PEX16: variants seen among roughly 807,000 people sequenced by gnomAD.
PEX16 encodes the protein peroxin 16.
A neutral mutation model predicts 50.5 loss-of-function variants in PEX16; 37 were observed. The ratio of observed to expected loss-of-function variants is 0.73; its 90% CI spans 0.56 to 0.96. The LOEUF is 0.96. Among genes scored for constraint, PEX16 ranks in the 40% least tolerant of loss-of-function variants. The pLI is 0.00. For synonymous variants in PEX16, 185 were observed against 190.3 expected, an observed-to-expected ratio of 0.97 and a Z score of 0.23; for missense variants, 401 against 438.3, an observed-to-expected ratio of 0.91 and a Z score of 0.76.
chr11:45,913,546 C>T (rs1203788116), intron 9 of PEX16, among the ~76,000 whole-genome samples: 5 of 152,258 alleles, frequency 3.3e-5, no homozygotes, highest in African/African-American at 1.2e-4. Context: ...CCCGCCCTGT[C>T]GCCATCCCTG....
intron 4 of PEX16, 45 bp downstream of exon 4, chr11:45,915,658 C>G: frequency 1.9e-6 from 3 of 1,613,056 alleles, no homozygotes; most frequent in Non-Finnish European, 2.5e-6. Flanking sequence ...GTGTAGCTAG[C>G]CTGCGTCACC....
In PEX16 at chr11:45,911,617, C is replaced by G. The variant is rs143187146; in HGVS notation, c.888-655G>C. Among the ~76,000 whole-genome samples the G allele has an allele frequency of 2.7e-3, 408 of 152,354 alleles. 2 individuals are homozygous for G. The highest frequency in any genetic ancestry group is 9.2e-3 in the African/African-American group (384 of 41,582). On this transcript the variant is annotated intron_variant, in intron 9 of 10. Transcript: ENST00000378750. ...CCTACAAAGTGGGTACTGTCATCAT[C>G]CCCATCTTACAGGTGAGGAAATGAG...
chr11:45,916,370 G>C, intron 2 of PEX16, 67 bp from the exon 3 acceptor site: 1 of 1,219,376 alleles, frequency 8.2e-7, no homozygotes, highest in Non-Finnish European at 1.2e-6. Context: ...CTTCTCCCCA[G>C]AGCTGCAGGG....
In PEX16 at chr11:45,909,946, G is replaced by C. The variant is rs974232369; in HGVS notation, c.*308C>G. On this transcript the variant is annotated 3_prime_UTR_variant, in exon 11 of 11. Transcript: ENST00000378750. ...AGCAGTGTTCGCTCCTATGGCTGCC[G>C]AGGCGAGCAGCTTCCCGGGCTCCAT... The C allele has an allele frequency of 4.3e-5, 33 of 759,148 alleles. No homozygotes were observed. Among genetic ancestry groups the C allele is most frequent in the South Asian group, 3.2e-4 (21 of 65,752 alleles). The allele number at this position is 759,148 out of a possible 1,614,324, so 47.0% of individuals were successfully genotyped here. A position where few individuals can be genotyped will look rare whatever the true frequency, so the allele number is the denominator to read the frequency against.
chr11:45,916,771 G>A (rs1362283316), intron 2 of PEX16, among the ~76,000 whole-genome samples: 2 of 152,216 alleles, frequency 1.3e-5, no homozygotes, highest in African/African-American at 4.8e-5. Flanking sequence ...CCAGGTTCAA[G>A]CAATTCTCCT....
intron 7 of PEX16, 22 bp downstream of exon 7, chr11:45,914,294 T>C (rs1490446583): frequency 6.2e-7 from 1 of 1,613,488 alleles, no homozygotes; most frequent in African/African-American, 1.3e-5. Context: ...GCCAGCCCTA[T>C]CCTGCCCCGC....
chr11:45,917,516 G>A (rs781230047), intron 1 of PEX16, 23 bp from the exon 2 acceptor site: 17 of 1,613,700 alleles, frequency 1.1e-5, no homozygotes, highest in African/African-American at 2.7e-5. Context: ...TACAGAAGGA[G>A]GTGTGAGTGA....
At chr11:45,918,319 G>T (rs1296883375), upstream of PEX16, 1 of 226,506 alleles carries the variant, frequency 4.4e-6, no homozygotes, top group African/African-American at 2.3e-5. Flanking sequence ...TCAGATTTGG[G>T]GAGGTGCGGG....
rs1424490002 is a variant in PEX16 at position 45,916,189 on chromosome 11, C to A, written c.225+38G>T. The A allele has an allele frequency of 9.6e-6, 14 of 1,458,718 alleles. 1 individual carries two copies. In the Admixed American group the frequency reaches 2.2e-4, roughly 23 times the overall value. 90.4% of individuals were successfully genotyped at this position (1,458,718 alleles called of 1,614,324 possible). Reference sequence around the variant, plus strand: ...AGCTGCTACTATTTCATTCCTGAGTCCCCATGCTTCCCACCCTGTTCTTGG... The same window carrying A: ...AGCTGCTACTATTTCATTCCTGAGTACCCATGCTTCCCACCCTGTTCTTGG... On this transcript the variant is annotated intron_variant, in intron 3 of 10. Transcript: ENST00000378750.
chr11:45,912,572 C>T (rs1206364318), intron 9 of PEX16, among the ~76,000 whole-genome samples: 1 of 152,116 alleles, frequency 6.6e-6, no homozygotes, highest in Non-Finnish European at 1.5e-5. Flanking sequence ...CGCGCGATCT[C>T]GACTCACTGC....
chr11:45,913,312 T>G (rs893752216), intron 9 of PEX16, among the ~76,000 whole-genome samples: 1 of 152,156 alleles, frequency 6.6e-6, no homozygotes, highest in Non-Finnish European at 1.5e-5. Flanking sequence ...AGCAGGCCTC[T>G]CTCAGGCTGG....
rs80275010 is a variant in PEX16, at chr11:45,915,759, G to T, written c.303C>A (p.Ala101=). Residue 101 remains alanine (A), a synonymous_variant, in exon 4 of 11, where the codon GCC becomes GCA. Transcript: ENST00000378750. The stretch of plus-strand genomic sequence containing the variant: ...AGCGGCCCACTTCACCCCACACCTT[G>T]GCAGCTCCCATCTCCATGAACACCT... ...CVEVFMEMGA[A]KVWGEVGRWL... is the part of the protein sequence containing the mutation. 1.9e-6 allele frequency: 3 copies of T among 1,613,948 alleles called. No individual in the cohort carries two copies. The Admixed American group carries it at 5.0e-5, about 27-fold the overall frequency.
At position 45,916,243 on chromosome 11, in the gene PEX16, C is replaced by T. The variant is rs776600798; in HGVS notation, c.209G>A (p.Arg70Gln). The T allele has an allele frequency of 1.5e-5, 24 of 1,613,770 alleles. No homozygotes were observed. Among genetic ancestry groups the T allele is most frequent in the African/African-American group, 4.0e-5 (3 of 74,862 alleles). The change falls in exon 3 of 11, where the codon CGG becomes CAG. Residue 70 changes from arginine (R) to glutamine (Q), a missense_variant. Transcript: ENST00000378750. Reference sequence around the variant, plus strand: ...AATTCTCACCACAGGCAACTTTTTCCGAAGCTCCTTCCGTAGGATCCCGTC... The same window carrying T: ...AATTCTCACCACAGGCAACTTTTTCTGAAGCTCCTTCCGTAGGATCCCGTC... ...LNDGILRKEL[R>Q]KKLPVSLSQQ...
Position 45,913,885 on chromosome 11 carries a change from A to G in PEX16, c.821T>C (p.Leu274Pro), listed in dbSNP as rs2134691868. ...GAGCAGCAGGATGGTCCGGCGCCGC[A>G]GCTCCCGCCGCTCCCTCCGGGTCAG... is the stretch of plus-strand genomic sequence containing the variant. The part of the protein sequence containing the change: ...KGLTRRERRE[L>P]RRRTILLLYY... Residue 274 changes from leucine to proline, a missense_variant, in exon 9 of 11, where the codon CTG becomes CCG. Leu to Pro is a moderately conservative substitution (Grantham distance 98, BLOSUM62 -3). Coordinates refer to ENST00000378750, the MANE Select transcript of PEX16 (RefSeq NM_004813.4). 1 of 1,611,432 alleles carries G rather than the reference A, an allele frequency of 6.2e-7. No individual in the cohort carries two copies. The highest frequency in any genetic ancestry group is 8.5e-7 in the Non-Finnish European group (1 of 1,179,572).
rs201513691 is a variant in PEX16, at chr11:45,910,147, G to A, written c.*107C>T. 2.8e-4 allele frequency: 448 copies of A among 1,611,914 alleles called. No homozygotes were observed. The highest frequency in any genetic ancestry group is 5.8e-4 in the Admixed American group (35 of 60,024). Reference sequence around the variant, plus strand: ...CCAGGGCTGTGTGTGGGGCCTGGCCGGTAGGCACGGAGAGGCCGCACGCTG... The same window carrying A: ...CCAGGGCTGTGTGTGGGGCCTGGCCAGTAGGCACGGAGAGGCCGCACGCTG... On this transcript the variant is annotated 3_prime_UTR_variant, in exon 11 of 11. Transcript: ENST00000378750.
chr11:45,910,228 C>T lies in PEX16; in HGVS notation c.*26G>A. 6.2e-7 allele frequency: 1 copy of T among 1,613,552 alleles called. No homozygotes were observed. The highest frequency in any genetic ancestry group is 8.5e-7 in the Non-Finnish European group (1 of 1,179,898). ...AGAGGGGCTCCCTGCCCCACCCCTC[C>T]CCACACCCTCCTTCCGGGAGGTCTG... On this transcript the variant is annotated 3_prime_UTR_variant, in exon 11 of 11. Transcript: ENST00000378750.
At position 45,916,263 on chromosome 11, in the gene PEX16, C is replaced by T. The variant is rs756337787; in HGVS notation, c.189G>A (p.Gly63=). 4.3e-6 allele frequency: 7 copies of T among 1,614,024 alleles called. No homozygotes were observed. The highest frequency in any genetic ancestry group is 5.9e-6 in the Non-Finnish European group (7 of 1,179,994). The change falls in exon 3 of 11, where the codon GGG becomes GGA. Residue 63 remains glycine, a synonymous_variant. Coordinates refer to ENST00000378750, the MANE Select transcript of PEX16 (RefSeq NM_004813.4). ...TTTTCCGAAGCTCCTTCCGTAGGAT[C>T]CCGTCATTGAGCAGCACAAGCAGGT... ...ASNLLVLLND[G]ILRKELRKKL... is the part of the protein sequence containing the mutation.
rs1285013956 is a variant in PEX16 at position 45,914,060 on chromosome 11, C to T, written c.767+71G>A. 34 of 1,571,182 alleles carry T rather than the reference C, an allele frequency of 2.2e-5. 2 individuals are homozygous for T. The Admixed American group carries it at 2.2e-4, about 10-fold the overall frequency. On this transcript the variant is annotated intron_variant, in intron 8 of 10. Transcript: ENST00000378750. ...GGAGGAGCAGGGGCCGCTGCCACCC[C>T]GCCTATGTGAGGCCAGGATTATAGC...
Position 45,917,869 on chromosome 11 carries a change from G to GCTTCCTGCGCCCTC in PEX16, c.-59_-58insGAGGGCGCAGGAAG, listed in dbSNP as rs1460071741. 47 of 1,236,188 alleles carry GCTTCCTGCGCCCTC rather than the reference G, an allele frequency of 3.8e-5. 1 individual carries two copies. Among genetic ancestry groups the GCTTCCTGCGCCCTC allele is most frequent in the Non-Finnish European group, 4.9e-5 (43 of 873,996 alleles). The allele number at this position is 1,236,188 out of a possible 1,614,324, so 76.6% of individuals were successfully genotyped here. The stretch of plus-strand genomic sequence containing the variant: ...ACCGTACGACAGGCTGCGGCGCCCT[G>GCTTCCTGCGCCCTC]CTTCCTGCGCCCTCCTTCCTGCTTC... On this transcript the variant is annotated 5_prime_UTR_variant, in exon 1 of 11. Coordinates refer to ENST00000378750, the MANE Select transcript of PEX16 (RefSeq NM_004813.4).
Sources: allele counts gnomAD v4.1 joint callset (sites outside exome capture counted in the v4.1 genomes callset), GRCh38; gene constraint gnomAD v4.1.1; transcripts MANE v1.5; gene names NCBI Gene and HGNC (gene_info 2026-07-23, HGNC 2026-07-21).